The following INSC variants were observed in gnomAD, a reference collection of about 807,000 sequenced individuals.
INSC encodes protein inscuteable homolog.
Under a neutral mutation model 58.6 loss-of-function variants are expected in INSC, and 67 were observed. The ratio of observed to expected loss-of-function variants is 1.14; its 90% CI spans 0.94 to 1.40. The LOEUF is 1.40. Among genes scored for constraint, INSC ranks in the 40% most tolerant of loss-of-function variants. INSC has a pLI of 0.00. For missense variants in INSC, 714 were observed against 692.0 expected (o/e 1.03, Z -0.36); for synonymous variants, 262 against 276.1 (o/e 0.95, Z 0.51).
chr11:15,192,337 C>G (rs1230385569), intron 6 of INSC, among the ~76,000 whole-genome samples: 1 of 152,160 alleles, frequency 6.6e-6, no homozygotes, highest in Non-Finnish European at 1.5e-5. Context: ...TTTGAATGTC[C>G]TCTCTTTTTG....
intron 11 of INSC, among the ~76,000 whole-genome samples, chr11:15,239,308 G>C (rs995448686): frequency 7.9e-5 from 12 of 152,138 alleles, no homozygotes; most frequent in African/African-American, 2.9e-4. Flanking sequence ...CCAGAACAGT[G>C]ACTCACCTGC....
At position 15,200,910 on chromosome 11, in the gene INSC, C is replaced by T. The variant is rs759965183; in HGVS notation, c.780C>T (p.Ser260=). Residue 260 remains serine (S), a synonymous_variant, in exon 7 of 13, where the codon TCC becomes TCT. Transcript: ENST00000379556. ...LYPQALRTLA[S]ICCVEEGVHQ... Reference sequence around the variant, plus strand: ...CCCAGGCGCTCCGCACGCTGGCCTCCATCTGCTGCGTGGAAGAGGGTGTCC... The same window carrying T: ...CCCAGGCGCTCCGCACGCTGGCCTCTATCTGCTGCGTGGAAGAGGGTGTCC... The T allele has an allele frequency of 6.2e-7, 1 of 1,612,936 alleles. No homozygotes were observed. The highest frequency in any genetic ancestry group is 1.1e-5 in the South Asian group (1 of 90,854).
intron 1 of INSC, among the ~76,000 whole-genome samples, chr11:15,128,001 A>T (rs1448865380): frequency 6.6e-6 from 1 of 152,164 alleles, no homozygotes; most frequent in East Asian, 1.9e-4. Flanking sequence ...TCTCAAAAAA[A>T]AAAAAGTGAA....
intron 5 of INSC, among the ~76,000 whole-genome samples, chr11:15,184,069 AG>A (rs1197661179): frequency 3.3e-5 from 5 of 152,130 alleles, no homozygotes; most frequent in Admixed American, 1.3e-4. Context: ...TTAAATTCTC[AG>A]TTCTTATTTA....
intron 6 of INSC, among the ~76,000 whole-genome samples, chr11:15,197,869 C>T (rs1470992006): frequency 1.3e-5 from 2 of 152,230 alleles, no homozygotes; most frequent in African/African-American, 4.8e-5. Context: ...CATCCCAAGT[C>T]TCTCTGAATA....
intron 1 of INSC, among the ~76,000 whole-genome samples, chr11:15,117,362 G>T (rs1269538459): frequency 6.6e-6 from 1 of 152,098 alleles, no homozygotes; most frequent in Non-Finnish European, 1.5e-5. Flanking sequence ...GGGGAATGCT[G>T]GGATCTAGCT....
At chr11:15,179,943 A>C (rs2133833982) in intron 5 of INSC, among the ~76,000 whole-genome samples, 1 of 152,304 alleles carries the variant, frequency 6.6e-6, no homozygotes, top group African/African-American at 2.4e-5. Flanking sequence ...ACTTTCCTGA[A>C]AGTGCCAGGT....
At chr11:15,265,116 G>A in the INSC span, among the ~76,000 whole-genome samples, 1 of 152,070 alleles carries the variant, frequency 6.6e-6, no homozygotes, top group Non-Finnish European at 1.5e-5. Context: ...AGTAGTAAAT[G>A]CTTTGTAGAT....
intron 7 of INSC, among the ~76,000 whole-genome samples, chr11:15,201,605 G>A (rs570772989): frequency 2.0e-5 from 3 of 152,334 alleles, no homozygotes; most frequent in Non-Finnish European, 2.9e-5. Flanking sequence ...CTGAGGCTGC[G>A]CCTCTACTTA....
intron 5 of INSC, among the ~76,000 whole-genome samples, chr11:15,185,590 T>A (rs1849934626): frequency 6.6e-6 from 1 of 152,066 alleles, no homozygotes; most frequent in South Asian, 2.1e-4. Flanking sequence ...ATAAGTGTGA[T>A]AAGGGTGATC....
intron 2 of INSC, among the ~76,000 whole-genome samples, chr11:15,157,744 G>T (rs1848865576): frequency 6.6e-6 from 1 of 152,180 alleles, no homozygotes; most frequent in Non-Finnish European, 1.5e-5. Context: ...CACTTATTAT[G>T]TGGCGGCACC....
intron 12 of INSC, among the ~76,000 whole-genome samples, chr11:15,244,243 T>C (rs1852474161): frequency 6.6e-6 from 1 of 152,218 alleles, no homozygotes; most frequent in Non-Finnish European, 1.5e-5. Context: ...CAGAAAGTGC[T>C]GTGAAGTTTA....
intron 2 of INSC, among the ~76,000 whole-genome samples, chr11:15,166,368 G>A (rs1849196964): frequency 6.6e-6 from 1 of 152,156 alleles, no homozygotes; most frequent in South Asian, 2.1e-4. Flanking sequence ...AGTTTCTCTG[G>A]TTCTAATGAC....
chr11:15,243,967 T>G (rs1019243234), intron 12 of INSC, among the ~76,000 whole-genome samples: 2 of 152,068 alleles, frequency 1.3e-5, no homozygotes, highest in Non-Finnish European at 2.9e-5. Flanking sequence ...TGTTTTAATA[T>G]TTCCTTCTTG....
At chr11:15,113,143 T>TTCTTTCTTTCTTTCTTTC, upstream of INSC, among the ~76,000 whole-genome samples, 99 of 98,692 alleles carry the variant, frequency 1.0e-3, 5 homozygotes, top group East Asian at 0.017. Context: ...CTTTCTTTCT[T>TTCTTTCTTTCTTTCTTTC]TCTGTCTCTC....
chr11:15,148,201 C>G (rs960687689), intron 1 of INSC, among the ~76,000 whole-genome samples: 2 of 152,192 alleles, frequency 1.3e-5, no homozygotes, highest in African/African-American at 4.8e-5. Context: ...CATTAGGATG[C>G]TTTTGGCTGT....
intron 2 of INSC, among the ~76,000 whole-genome samples, chr11:15,162,965 T>C (rs537054041): frequency 2.6e-5 from 4 of 152,286 alleles, no homozygotes; most frequent in Admixed American, 2.6e-4. Flanking sequence ...GCTGCTCAAG[T>C]AAAAAATCTG....
upstream of INSC, among the ~76,000 whole-genome samples, chr11:15,114,715 C>G (rs1414671458): frequency 2.6e-5 from 4 of 152,200 alleles, no homozygotes; most frequent in Non-Finnish European, 5.9e-5. Flanking sequence ...ATGTTTCCCC[C>G]CCCAGGGGCA....
chr11:15,256,864 A>G, the INSC span, among the ~76,000 whole-genome samples: 7 of 152,140 alleles, frequency 4.6e-5, no homozygotes, highest in Admixed American at 3.9e-4. Flanking sequence ...CCAGTCCACA[A>G]GAGTAAAGGT....
Sources: gnomAD v4.1 joint callset for allele counts (sites outside exome capture counted in the v4.1 genomes callset) on GRCh38, gnomAD v4.1.1 for gene constraint, MANE v1.5 for transcripts, NCBI Gene and HGNC (gene_info 2026-07-23, HGNC 2026-07-21) for gene names.